The following ADAMTS18 variants were observed in gnomAD, a reference collection of about 807,000 sequenced individuals.
The protein encoded by ADAMTS18 is A disintegrin and metalloproteinase with thrombospondin motifs 18.
ADAMTS18 carries 157 observed loss-of-function variants against 165.9 expected under a neutral mutation model. The observed-to-expected ratio is 0.95, with a 90% CI of 0.83 to 1.08. The LOEUF (loss-of-function observed/expected upper bound fraction) is 1.08. Ranked by LOEUF, ADAMTS18 falls within the 50% of genes least tolerant of loss-of-function variation. The pLI is 0.00. For synonymous variants in ADAMTS18, 782 were observed against 578.2 expected, an observed-to-expected ratio of 1.35 and a Z score of -5.06; for missense variants, 2,040 against 1,534.0, an observed-to-expected ratio of 1.33 and a Z score of -5.51.
rs1368108823 is a variant in ADAMTS18, at chr16:77,395,856, G to A, written c.496-28133C>T. Among the ~76,000 whole-genome samples, 4 of 152,044 alleles carry A rather than the reference G, an allele frequency of 2.6e-5. 1 individual carries two copies. The highest frequency in any genetic ancestry group is 2.1e-4 in the South Asian group (1 of 4,816). ...ATTTTTAGGTCTAGAGAAATGTGGT[G>A]GATATGAGTTAGATATGATATTATT... On this transcript the variant is annotated intron_variant, in intron 3 of 22. Coordinates refer to ENST00000282849, the MANE Select transcript of ADAMTS18 (RefSeq NM_199355.4).
chr16:77,381,427 C>A (rs1259785104), intron 3 of ADAMTS18, among the ~76,000 whole-genome samples: 1 of 152,168 alleles, frequency 6.6e-6, no homozygotes, highest in African/African-American at 2.4e-5. Flanking sequence ...CCTTTCCCTG[C>A]TTCAAAAGGA....
At chr16:77,418,756 T>C (rs1433621217) in intron 3 of ADAMTS18, among the ~76,000 whole-genome samples, 1 of 152,250 alleles carries the variant, frequency 6.6e-6, no homozygotes, top group East Asian at 1.9e-4. Flanking sequence ...AAAAGGGGAC[T>C]ATTTGGTGAA....
chr16:77,362,023 A>G (rs545797969), intron 7 of ADAMTS18, 82 bp downstream of exon 7: 9 of 1,445,282 alleles, frequency 6.2e-6, no homozygotes, highest in Non-Finnish European at 8.7e-6. Flanking sequence ...AAGGAACATA[A>G]GGGCTATCCA....
At chr16:77,314,753 CA>C (rs1471655975) in intron 16 of ADAMTS18, among the ~76,000 whole-genome samples, 2 of 36,902 alleles carry the variant, frequency 5.4e-5, no homozygotes, top group African/African-American at 1.1e-4. Flanking sequence ...TCTCAGGTTT[CA>C]TATATATATA....
intron 16 of ADAMTS18, among the ~76,000 whole-genome samples, chr16:77,312,282 G>C (rs2055797119): frequency 6.6e-6 from 1 of 151,704 alleles, no homozygotes; most frequent in Non-Finnish European, 1.5e-5. Flanking sequence ...CGTCGCCCAG[G>C]CTGGAGTGCA....
intron 10 of ADAMTS18, among the ~76,000 whole-genome samples, chr16:77,344,545 A>C (rs2056447493): frequency 6.6e-6 from 1 of 152,168 alleles, no homozygotes; most frequent in Non-Finnish European, 1.5e-5. Context: ...ACCTACACTT[A>C]GAAAGGCTTT....
rs147810177 is a variant in ADAMTS18 at position 77,378,679 on chromosome 16, C to T, written c.496-10956G>A. On this transcript the variant is annotated intron_variant, in intron 3 of 22. Coordinates refer to ENST00000282849, the MANE Select transcript of ADAMTS18 (RefSeq NM_199355.4). Reference sequence around the variant, plus strand: ...GCAGTGAGCCCAGATCACACCACTGCACTCCAACCTGGGTGACAGAGTGAA... The same window carrying T: ...GCAGTGAGCCCAGATCACACCACTGTACTCCAACCTGGGTGACAGAGTGAA... 2.9e-3 allele frequency among the ~76,000 whole-genome samples: 444 copies of T among 152,124 alleles called. 6 individuals are homozygous for T. Among genetic ancestry groups the T allele is most frequent in the African/African-American group, 9.5e-3 (394 of 41,492 alleles).
rs8059275 is a variant in ADAMTS18, at chr16:77,356,059, A to G, written c.1341T>C (p.Asp447=). ...ESGHNFGMIH[D]GEGNPCRKAE... ...CCTTTCTGCAGGGATTCCCTTCTCC[A>G]TCGTGAATCATACCAAAGCTGAAAC... The change falls in exon 9 of 23, where the codon GAT becomes GAC. Residue 447 remains aspartate, a synonymous_variant. Transcript: ENST00000282849. 1,395,843 of 1,613,832 alleles carry G rather than the reference A, an allele frequency of 0.86. 604,303 individuals carry two copies. The highest frequency in any genetic ancestry group is 0.91 in the East Asian group (40,962 of 44,844).
chr16:77,379,703 G>T (rs1444773748), intron 3 of ADAMTS18, among the ~76,000 whole-genome samples: 1 of 151,976 alleles, frequency 6.6e-6, no homozygotes, highest in Non-Finnish European at 1.5e-5. Context: ...GTTGGCCAGG[G>T]TGATCTCAAA....
At chr16:77,344,870 GC>G (rs2056452878) in intron 10 of ADAMTS18, among the ~76,000 whole-genome samples, 1 of 152,096 alleles carries the variant, frequency 6.6e-6, no homozygotes, top group African/African-American at 2.4e-5. Flanking sequence ...GACCATGAAA[GC>G]CCCTTGAGAA....
intron 3 of ADAMTS18, among the ~76,000 whole-genome samples, chr16:77,396,282 A>T (rs778582958): frequency 1.3e-5 from 2 of 152,262 alleles, no homozygotes; most frequent in Non-Finnish European, 2.9e-5. Flanking sequence ...CAAAAGGTTA[A>T]TCAACTTACT....
chr16:77,297,426 A>G lies in ADAMTS18; in HGVS notation c.2675-11T>C. 1.9e-6 allele frequency: 3 copies of G among 1,609,698 alleles called. No homozygotes were observed. The highest frequency in any genetic ancestry group is 2.6e-6 in the Non-Finnish European group (3 of 1,176,016). On this transcript the variant is annotated splice_polypyrimidine_tract_variant and intron_variant, in intron 17 of 22. Coordinates refer to ENST00000282849, the MANE Select transcript of ADAMTS18 (RefSeq NM_199355.4). ...TTACATTTATGTAACCTGGTAAGAC[A>G]TCAGAAGTGACAAAGTGAAAATTAC...
intron 3 of ADAMTS18, among the ~76,000 whole-genome samples, chr16:77,407,595 C>T (rs757509110): frequency 6.6e-6 from 1 of 152,006 alleles, no homozygotes; most frequent in Admixed American, 6.6e-5. Flanking sequence ...AGAATAAAGA[C>T]TTTTTTAAAA....
intron 3 of ADAMTS18, among the ~76,000 whole-genome samples, chr16:77,418,190 A>C (rs2057554713): frequency 6.6e-6 from 1 of 152,214 alleles, no homozygotes; most frequent in East Asian, 1.9e-4. Context: ...CTCCCAGCCC[A>C]CACACACCAT....
intron 16 of ADAMTS18, among the ~76,000 whole-genome samples, chr16:77,306,855 C>T (rs1252800691): frequency 6.6e-6 from 1 of 152,182 alleles, no homozygotes; most frequent in East Asian, 1.9e-4. Flanking sequence ...TAAGTCACAG[C>T]AATGGGACTC....
In ADAMTS18 at chr16:77,431,428, T is replaced by A. The variant is rs750143704; in HGVS notation, c.362A>T (p.His121Leu). The A allele has an allele frequency of 7.4e-6, 12 of 1,614,182 alleles. No homozygotes were observed. The South Asian group carries it at 1.3e-4, about 18-fold the overall frequency. Residue 121 changes from histidine (H) to leucine (L), a missense_variant, in exon 3 of 23, where the codon CAC (histidine) becomes CTC (leucine). Physicochemically the swap from His to Leu is moderately conservative, Grantham distance 99. Coordinates refer to ENST00000282849, the MANE Select transcript of ADAMTS18 (RefSeq NM_199355.4). ...TTTTCCAAGTACCTGGACAATAAAG[T>A]GACTGCTCAAAATCGCCGAGGGCTT... ...ELKPSAILSS[H>L]FIVQVLGKDG...
intron 3 of ADAMTS18, among the ~76,000 whole-genome samples, chr16:77,410,547 C>A (rs2057448500): frequency 6.6e-6 from 1 of 152,128 alleles, no homozygotes; most frequent in Non-Finnish European, 1.5e-5. Context: ...ATCCTATCTT[C>A]AAATGAGTAA....
intron 3 of ADAMTS18, among the ~76,000 whole-genome samples, chr16:77,380,723 C>T (rs1295944157): frequency 1.3e-5 from 2 of 151,804 alleles, no homozygotes; most frequent in South Asian, 2.1e-4. Flanking sequence ...TTGGTATGGC[C>T]CCTTCCTTCT....
chr16:77,339,001 G>C (rs1223586546), intron 11 of ADAMTS18, among the ~76,000 whole-genome samples: 1 of 151,718 alleles, frequency 6.6e-6, no homozygotes, highest in Non-Finnish European at 1.5e-5. Context: ...CCTCATGTTG[G>C]CTGAGTATTC....
Sources: allele counts gnomAD v4.1 joint callset (sites outside exome capture counted in the v4.1 genomes callset), GRCh38; gene constraint gnomAD v4.1.1; transcripts MANE v1.5; gene names NCBI Gene and HGNC (gene_info 2026-07-23, HGNC 2026-07-21).